Variants in SPSB1 observed in about 807,000 individuals in gnomAD.
SPSB1 encodes SPRY domain-containing SOCS box protein 1.
SPSB1 carries 8 observed loss-of-function variants against 21.2 expected under a neutral mutation model. The ratio of observed to expected loss-of-function variants is 0.38; its 90% CI spans 0.22 to 0.68. The LOEUF (loss-of-function observed/expected upper bound fraction) is 0.68. SPSB1 is among the 30% of genes least tolerant of loss of function. The pLI is 0.53. For synonymous variants in SPSB1, 169 were observed against 161.7 expected (o/e 1.05, Z -0.34); for missense variants, 242 against 377.8 (o/e 0.64, Z 2.98).
At chr1:9,357,038 C>A (rs552705969) in intron 2 of SPSB1, among the ~76,000 whole-genome samples, 2 of 148,676 alleles carry the variant, frequency 1.3e-5, no homozygotes, top group African/African-American at 5.0e-5. Context: ...AGTGGATGAA[C>A]AAGTGGATGG....
At position 9,338,818 on chromosome 1, in the gene SPSB1, C is replaced by T. The variant is rs565166273; in HGVS notation, c.-149-16925C>T. ...TTCGCCCCAGCTTCCTGGGGGCGCT[C>T]CCGCCTTGCTCTGCTGTGCTTTCCT... On this transcript the variant is annotated intron_variant, in intron 1 of 2. Coordinates refer to ENST00000328089, the MANE Select transcript of SPSB1 (RefSeq NM_025106.4). 2.0e-5 allele frequency among the ~76,000 whole-genome samples: 3 copies of T among 152,314 alleles called. No homozygotes were observed. In the South Asian group the frequency reaches 6.2e-4, roughly 32 times the overall value.
intron 1 of SPSB1, among the ~76,000 whole-genome samples, chr1:9,336,398 G>T (rs1051858156): frequency 6.6e-6 from 1 of 152,026 alleles, no homozygotes; most frequent in African/African-American, 2.4e-5. Flanking sequence ...GGCTAATTTT[G>T]TATTTTTAGT....
At chr1:9,326,903 T>A (rs1639824556) in intron 1 of SPSB1, among the ~76,000 whole-genome samples, 1 of 152,190 alleles carries the variant, frequency 6.6e-6, no homozygotes, top group African/African-American at 2.4e-5. Context: ...AGCTGGCGCC[T>A]TTTTTAGGTG....
intron 1 of SPSB1, among the ~76,000 whole-genome samples, chr1:9,294,174 CTG>C (rs1487286377): frequency 9.7e-6 from 1 of 102,882 alleles, no homozygotes; most frequent in African/African-American, 3.2e-5. Context: ...CTCTGAGTGT[CTG>C]TCTCTGCAAA....
chr1:9,337,599 G>A (rs562581262), intron 1 of SPSB1, among the ~76,000 whole-genome samples: 69 of 152,306 alleles, frequency 4.5e-4, no homozygotes, highest in Non-Finnish European at 6.5e-4. Flanking sequence ...TGAGTGCAGC[G>A]CCTCCAGCCT....
Position 9,355,853 on chromosome 1 carries a change from G to A in SPSB1, c.-39G>A, listed in dbSNP as rs1294405553. ...ACGAGACCACGAGATTGATGAGTTT[G>A]CCTTGGGAGTCGGTAAGAAGGTGAA... On this transcript the variant is annotated 5_prime_UTR_variant, in exon 2 of 3. Coordinates refer to ENST00000328089, the MANE Select transcript of SPSB1 (RefSeq NM_025106.4). The A allele has an allele frequency of 1.3e-6, 2 of 1,520,112 alleles. No individual in the cohort carries two copies. The highest frequency in any genetic ancestry group is 1.8e-6 in the Non-Finnish European group (2 of 1,133,316). 94.2% of individuals were successfully genotyped at this position (1,520,112 alleles called of 1,614,324 possible).
intron 1 of SPSB1, among the ~76,000 whole-genome samples, chr1:9,350,383 G>C (rs907318915): frequency 2.0e-5 from 3 of 152,256 alleles, no homozygotes; most frequent in African/African-American, 7.2e-5. Context: ...CTGTGCAGAG[G>C]AGGAGGCAGG....
At chr1:9,323,927 C>T (rs185397993) in intron 1 of SPSB1, among the ~76,000 whole-genome samples, 6 of 152,176 alleles carry the variant, frequency 3.9e-5, no homozygotes, top group Non-Finnish European at 5.9e-5. Context: ...ATGGGAAATT[C>T]AGGGGGTCTT....
chr1:9,347,797 C>T (rs664347), intron 1 of SPSB1, among the ~76,000 whole-genome samples: 125,628 of 151,960 alleles, frequency 0.83, 52,435 homozygotes, highest in African/African-American at 0.93. Context: ...TGGGTGATTG[C>T]TGGGCGTTTT....
intron 1 of SPSB1, among the ~76,000 whole-genome samples, chr1:9,332,405 T>C (rs1256019176): frequency 6.6e-6 from 1 of 151,998 alleles, no homozygotes; most frequent in African/African-American, 2.4e-5. Flanking sequence ...GATGAGGGGT[T>C]TGAATCTGGG....
At chr1:9,312,979 T>TA (rs1203320321) in intron 1 of SPSB1, among the ~76,000 whole-genome samples, 6 of 152,256 alleles carry the variant, frequency 3.9e-5, no homozygotes, top group Non-Finnish European at 8.8e-5. Flanking sequence ...GCTTGATGTT[T>TA]ACTGAGTGCT....
chr1:9,342,643 G>T (rs1450076610), intron 1 of SPSB1, among the ~76,000 whole-genome samples: 1 of 152,192 alleles, frequency 6.6e-6, no homozygotes, highest in Non-Finnish European at 1.5e-5. Context: ...TCCCCCGCCA[G>T]CCCGCGGGGT....
At position 9,345,092 on chromosome 1, in the gene SPSB1, T is replaced by C. The variant is rs1333087000; in HGVS notation, c.-149-10651T>C. On this transcript the variant is annotated intron_variant, in intron 1 of 2. Coordinates refer to ENST00000328089, the MANE Select transcript of SPSB1 (RefSeq NM_025106.4). The surrounding 1 kb of genome is among the most constrained non-coding windows in gnomAD (Gnocchi z 4.8). ...TCTCAGGCCAGGCAGCCCTGAACTC[T>C]GGAGTCCCACAGGAGGCTAGGCTGG... Among the ~76,000 whole-genome samples, 3 of 152,184 alleles carry C rather than the reference T, an allele frequency of 2.0e-5. No individual in the cohort carries two copies. The highest frequency in any genetic ancestry group is 2.9e-5 in the Non-Finnish European group (2 of 68,016).
In SPSB1 at chr1:9,324,579, G is replaced by A. The variant is rs1180485020; in HGVS notation, c.-149-31164G>A. Among the ~76,000 whole-genome samples the A allele has an allele frequency of 6.6e-6, 1 of 152,146 alleles. No individual in the cohort carries two copies. The highest frequency in any genetic ancestry group is 2.4e-5 in the African/African-American group (1 of 41,404). On this transcript the variant is annotated intron_variant, in intron 1 of 2. Coordinates refer to ENST00000328089, the MANE Select transcript of SPSB1 (RefSeq NM_025106.4). The surrounding 1 kb of genome is among the most constrained non-coding windows in gnomAD (Gnocchi z 4.3). ...GGAGGGGGAGTCAAGACAAAAGCCT[G>A]GTTGTGCCCTGGGAGAAAACCCAAA...
intron 1 of SPSB1, among the ~76,000 whole-genome samples, chr1:9,315,792 C>A (rs1263774726): frequency 6.6e-6 from 1 of 152,250 alleles, no homozygotes; most frequent in Non-Finnish European, 1.5e-5. Flanking sequence ...CTGACTAATT[C>A]TCTTTGCAAA....
chr1:9,312,322 C>T (rs556386676), intron 1 of SPSB1, among the ~76,000 whole-genome samples: 37 of 151,984 alleles, frequency 2.4e-4, no homozygotes, highest in Non-Finnish European at 4.7e-4. Flanking sequence ...CCATTGTGTC[C>T]GGTCTGTCTG....
chr1:9,340,568 C>T (rs546768334), intron 1 of SPSB1, among the ~76,000 whole-genome samples: 97 of 152,370 alleles, frequency 6.4e-4, no homozygotes, highest in African/African-American at 2.2e-3. Flanking sequence ...CCTTGGTCCT[C>T]CTCCAGCTGT....
chr1:9,309,301 A>T (rs146779365), intron 1 of SPSB1, among the ~76,000 whole-genome samples: 6,233 of 133,092 alleles, frequency 0.047, 151 homozygotes, highest in Non-Finnish European at 0.058. Flanking sequence ...AGAGAGAGAG[A>T]GTGTGTGTGT....
At chr1:9,320,407 C>T (rs1218628023) in intron 1 of SPSB1, among the ~76,000 whole-genome samples, 2 of 152,238 alleles carry the variant, frequency 1.3e-5, no homozygotes, top group Non-Finnish European at 2.9e-5. Context: ...CCCTGCCCTG[C>T]CCCACGTGTG....
Sources: allele counts gnomAD v4.1 joint callset (sites outside exome capture counted in the v4.1 genomes callset), GRCh38; gene constraint gnomAD v4.1.1; non-coding constraint Gnocchi (gnomAD v3.1); transcripts MANE v1.5; gene names NCBI Gene and HGNC (gene_info 2026-07-23, HGNC 2026-07-21).